Variants in NCKAP1 observed in about 807,000 individuals in gnomAD.
NCKAP1 encodes the protein NCK associated protein 1.
Under a neutral mutation model 151.2 loss-of-function variants are expected in NCKAP1, and 21 were observed. The ratio of observed to expected loss-of-function variants is 0.14; its 90% CI spans 0.10 to 0.20. The LOEUF is 0.20. Among genes scored for constraint, NCKAP1 ranks in the 10% least tolerant of loss-of-function variants. The probability of loss-of-function intolerance (pLI) is 1.00; values close to 1 mark genes in which losing one functional copy is unlikely to be tolerated. For synonymous variants in NCKAP1, 484 were observed against 451.8 expected (o/e 1.07, Z -0.90); for missense variants, 933 against 1,352.1 (o/e 0.69, Z 4.86).
In NCKAP1 at chr2:183,006,301, A is replaced by G. The variant is rs1020108943; in HGVS notation, c.220-2976T>C. On this transcript the variant is annotated intron_variant, in intron 2 of 30. Coordinates refer to ENST00000361354, the MANE Select transcript of NCKAP1 (RefSeq NM_013436.5). The stretch of plus-strand genomic sequence containing the variant: ...TGGACAATTAACCAAGATAATGTAC[A>G]TAAGAATATGTAGCAATGCCTCACA... Among the ~76,000 whole-genome samples, 5 of 152,248 alleles carry G rather than the reference A, an allele frequency of 3.3e-5. No homozygotes were observed. In the South Asian group the frequency reaches 6.2e-4, roughly 19 times the overall value.
chr2:182,992,685 AATAAT>A (rs1216505398), intron 8 of NCKAP1, among the ~76,000 whole-genome samples: 2 of 152,204 alleles, frequency 1.3e-5, no homozygotes, highest in Non-Finnish European at 2.9e-5. Context: ...CAATGTAAAA[AATAAT>A]ATAATTAATA....
chr2:182,961,442 A>C (rs1348251685), intron 18 of NCKAP1, among the ~76,000 whole-genome samples: 1 of 152,228 alleles, frequency 6.6e-6, no homozygotes, highest in African/African-American at 2.4e-5. Flanking sequence ...ACATGGGTGA[A>C]GCTGGAAACC....
chr2:183,037,721 C>A (rs1039808002), intron 1 of NCKAP1, among the ~76,000 whole-genome samples: 1 of 152,188 alleles, frequency 6.6e-6, no homozygotes, highest in African/African-American at 2.4e-5. Context: ...GCGGCGCCCC[C>A]ACCCCGTGCG....
In NCKAP1 at chr2:183,007,673, C is replaced by A. The variant is rs566979483; in HGVS notation, c.220-4348G>T. ...AGCATTTGTTCCTCTTAAAAAAAAA[C>A]CAAATTCAGAAGTTTGGTTTCAAGG... On this transcript the variant is annotated intron_variant, in intron 2 of 30. Coordinates refer to ENST00000361354, the MANE Select transcript of NCKAP1 (RefSeq NM_013436.5). 9.5e-4 allele frequency among the ~76,000 whole-genome samples: 144 copies of A among 152,046 alleles called. 1 individual carries two copies. The highest frequency in any genetic ancestry group is 6.0e-3 in the East Asian group (31 of 5,172).
At chr2:182,988,465 T>C (rs1034836248) in intron 9 of NCKAP1, among the ~76,000 whole-genome samples, 8 of 152,240 alleles carry the variant, frequency 5.3e-5, no homozygotes, top group East Asian at 3.9e-4. Flanking sequence ...GAATCTCAAG[T>C]GGAGAGAAAT....
intron 1 of NCKAP1, among the ~76,000 whole-genome samples, chr2:183,033,823 G>A (rs1436207511): frequency 6.6e-6 from 1 of 152,116 alleles, no homozygotes. Context: ...TAACAATTCA[G>A]TAGCTTATAA....
rs1046308499 is a variant in NCKAP1, at chr2:182,953,287, A to G, written c.2198T>C (p.Ile733Thr). Residue 733 changes from isoleucine to threonine, a missense_variant, in exon 21 of 31, where the codon ATT becomes ACT. Physicochemically the swap from Ile to Thr is moderately conservative, Grantham distance 89. Around this residue, in one of 2 missense-constraint regions of NCKAP1, gnomAD observed 326 missense variants for 557.1 expected, o/e 0.59. Coordinates refer to ENST00000361354, the MANE Select transcript of NCKAP1 (RefSeq NM_013436.5). ...TGTTAGAAGTTCTGAAGGTTTTGCA[A>G]TTTCCTGTGTGGCTTGATTATACAT... ...MTMYNQATQE[I>T]AKPSELLTSV... is the part of the protein sequence containing the mutation. 1.2e-6 allele frequency: 2 copies of G among 1,613,646 alleles called. No individual in the cohort carries two copies. The highest frequency in any genetic ancestry group is 1.7e-5 in the Admixed American group (1 of 60,002).
intron 9 of NCKAP1, among the ~76,000 whole-genome samples, chr2:182,988,617 T>C (rs1011164345): frequency 6.6e-6 from 1 of 152,234 alleles, no homozygotes; most frequent in Non-Finnish European, 1.5e-5. Context: ...AATTCTGTAA[T>C]GGTTATAATT....
chr2:182,934,160 C>T lies in NCKAP1; in HGVS notation c.2859+592G>A, dbSNP rs1461265971. ...CTTCATCTTTCTTTTTTTTTTGAGA[C>T]GGAGTCTCATTCTGTTGCCCAGGCT... On this transcript the variant is annotated intron_variant, in intron 26 of 30. Transcript: ENST00000361354. Among the ~76,000 whole-genome samples, 6 of 150,754 alleles carry T rather than the reference C, an allele frequency of 4.0e-5. No individual in the cohort carries two copies. The East Asian group carries it at 5.8e-4, about 15-fold the overall frequency.
chr2:182,996,699 G>A (rs773196970), intron 6 of NCKAP1, among the ~76,000 whole-genome samples: 9 of 152,188 alleles, frequency 5.9e-5, no homozygotes, highest in South Asian at 2.1e-4. Flanking sequence ...CTCCTGATCC[G>A]CCTGCATCGG....
chr2:182,992,462 G>A lies in NCKAP1; in HGVS notation c.790+2377C>T, dbSNP rs1698188235. Among the ~76,000 whole-genome samples, 4 of 152,132 alleles carry A rather than the reference G, an allele frequency of 2.6e-5. No individual in the cohort carries two copies. In the South Asian group the frequency reaches 8.3e-4, roughly 32 times the overall value. On this transcript the variant is annotated intron_variant, in intron 8 of 30. Coordinates refer to ENST00000361354, the MANE Select transcript of NCKAP1 (RefSeq NM_013436.5). ...TTCCCGTTTAAAATAAAGACCAGTG[G>A]GAAGCAAAATCCAGAAGTCACTAAT...
chr2:183,038,078 G>A lies in NCKAP1; in HGVS notation c.22C>T (p.Pro8Ser). The A allele has an allele frequency of 1.9e-6, 3 of 1,580,938 alleles. No individual in the cohort carries two copies. Among genetic ancestry groups the A allele is most frequent in the Non-Finnish European group, 2.6e-6 (3 of 1,171,712 alleles). The stretch of plus-strand genomic sequence containing the variant: ...TTCTCCGCCAGCTTCTGCTGACTGG[G>A]CTGCAGCACTGAGCGCGACATGGTG... MSRSVLQ[P>S]SQQKLAEKLT... Residue 8 changes from proline to serine, a missense_variant, in exon 1 of 31, where the codon CCC becomes TCC. Around this residue, in one of 2 missense-constraint regions of NCKAP1, gnomAD observed 607 missense variants for 795.0 expected, o/e 0.76. Coordinates refer to ENST00000361354, the MANE Select transcript of NCKAP1 (RefSeq NM_013436.5).
At chr2:182,986,811 CATTT>C (rs1206001607) in intron 9 of NCKAP1, among the ~76,000 whole-genome samples, 1 of 151,984 alleles carries the variant, frequency 6.6e-6, no homozygotes, top group Non-Finnish European at 1.5e-5. Context: ...AATAAAAAAA[CATTT>C]AATTAACATC....
At chr2:183,006,343 T>C (rs928690338) in intron 2 of NCKAP1, among the ~76,000 whole-genome samples, 7 of 152,254 alleles carry the variant, frequency 4.6e-5, no homozygotes. Flanking sequence ...AGCTGTACAT[T>C]AAATATTAAG....
chr2:183,032,625 G>A (rs993520081), intron 1 of NCKAP1, among the ~76,000 whole-genome samples: 27 of 152,018 alleles, frequency 1.8e-4, no homozygotes, highest in African/African-American at 6.3e-4. Flanking sequence ...ACTGTGTATA[G>A]GCAGTCCATC....
At chr2:183,010,004 T>G (rs1209686488) in intron 2 of NCKAP1, among the ~76,000 whole-genome samples, 3 of 152,234 alleles carry the variant, frequency 2.0e-5, no homozygotes, top group African/African-American at 7.2e-5. Context: ...CACTTTATAA[T>G]TAAGGTTATG....
chr2:182,927,400 A>C (rs1449394409), intron 29 of NCKAP1: 1 of 152,238 alleles, frequency 6.6e-6, no homozygotes, highest in Non-Finnish European at 1.5e-5. Flanking sequence ...TCCTCAAGTT[A>C]GTACTATATT....
At chr2:183,001,921 A>C (rs761468201) in intron 6 of NCKAP1, 32 bp downstream of exon 6, 1 of 1,562,002 alleles carries the variant, frequency 6.4e-7, no homozygotes, top group South Asian at 1.1e-5. Flanking sequence ...TTATATGCCC[A>C]TTCTCTCATA....
At chr2:182,956,228 G>A (rs1697324275) in intron 20 of NCKAP1, among the ~76,000 whole-genome samples, 1 of 152,022 alleles carries the variant, frequency 6.6e-6, no homozygotes, top group Admixed American at 6.6e-5. Context: ...TTTTAGTAGA[G>A]ACGGGGTTTC....
Sources: allele counts gnomAD v4.1 joint callset (sites outside exome capture counted in the v4.1 genomes callset), GRCh38; gene constraint gnomAD v4.1.1; regional missense constraint gnomAD v4.1.1; transcripts MANE v1.5; gene names NCBI Gene and HGNC (gene_info 2026-07-23, HGNC 2026-07-21).